Variants in KITLG observed in about 807,000 individuals in gnomAD.
KITLG encodes c-Kit ligand.
A neutral mutation model predicts 34.1 loss-of-function variants in KITLG; 13 were observed. The ratio of observed to expected loss-of-function variants is 0.38; its 90% CI spans 0.25 to 0.61. The LOEUF (loss-of-function observed/expected upper bound fraction) is 0.61. Among genes scored for constraint, KITLG ranks in the 20% least tolerant of loss-of-function variants. KITLG has a pLI of 0.60. For synonymous variants in KITLG, 110 were observed against 104.0 expected (o/e 1.06, Z -0.35); for missense variants, 292 against 318.9 (o/e 0.92, Z 0.64).
In KITLG at chr12:88,516,544, G is replaced by T. The variant is rs182948635; in HGVS notation, c.364-54C>A. On this transcript the variant is annotated intron_variant, in intron 4 of 9. Coordinates refer to ENST00000644744, the MANE Select transcript of KITLG (RefSeq NM_000899.5). ...CAAATAGTCTTCAGACTTAACTGAG[G>T]TGAAGATAATGGACTATAAATATGT... The T allele has an allele frequency of 6.3e-3, 7,531 of 1,204,802 alleles. 32 individuals are homozygous for T. The highest frequency in any genetic ancestry group is 7.7e-3 in the Non-Finnish European group (6,439 of 836,772). The allele number at this position is 1,204,802 out of a possible 1,614,324, so 74.6% of individuals were successfully genotyped here. A position where few individuals can be genotyped will look rare whatever the true frequency, so the allele number is the denominator to read the frequency against.
chr12:88,512,634 C>T (rs1032170266), intron 6 of KITLG, among the ~76,000 whole-genome samples: 2 of 151,606 alleles, frequency 1.3e-5, no homozygotes, highest in African/African-American at 4.8e-5. Flanking sequence ...TGAAAGAACG[C>T]AGAGGAAGAA....
chr12:88,555,910 A>G (rs1177417951), intron 1 of KITLG, among the ~76,000 whole-genome samples: 3 of 152,180 alleles, frequency 2.0e-5, no homozygotes, highest in Non-Finnish European at 4.4e-5. Flanking sequence ...TAGAGAACAC[A>G]GCACAGTGGT....
intron 9 of KITLG, among the ~76,000 whole-genome samples, chr12:88,504,921 G>C (rs1868997008): frequency 6.8e-6 from 1 of 148,004 alleles, no homozygotes; most frequent in Admixed American, 6.9e-5. Flanking sequence ...ATTGAACAAT[G>C]AGAACACTTG....
At position 88,493,607 on chromosome 12, in the gene KITLG, G is replaced by A. The variant is rs376894594; in HGVS notation, c.*3612C>T. ...TCTTATCCCACTTTCCAATTTTAAA[G>A]TGTAATTAATGAATTACCCCTTTAT... On this transcript the variant is annotated 3_prime_UTR_variant, in exon 10 of 10. Transcript: ENST00000644744. The A allele has an allele frequency of 2.4e-4, 36 of 151,842 alleles. No individual in the cohort carries two copies. Among genetic ancestry groups the A allele is most frequent in the African/African-American group, 7.7e-4 (32 of 41,388 alleles). The allele number at this position is 151,842 out of a possible 1,614,324, so 9.4% of individuals were successfully genotyped here. A position where few individuals can be genotyped will look rare whatever the true frequency, so the allele number is the denominator to read the frequency against.
At chr12:88,541,371 G>A (rs1227244886) in intron 2 of KITLG, among the ~76,000 whole-genome samples, 4 of 152,086 alleles carry the variant, frequency 2.6e-5, no homozygotes, top group African/African-American at 9.7e-5. Flanking sequence ...AGGAAGACAA[G>A]TCATTACCCA....
At chr12:88,567,350 A>G (rs1220614813) in intron 1 of KITLG, among the ~76,000 whole-genome samples, 2 of 152,230 alleles carry the variant, frequency 1.3e-5, no homozygotes, top group African/African-American at 2.4e-5. Flanking sequence ...TTGTATTACA[A>G]AAGAGTTATA....
intron 1 of KITLG, among the ~76,000 whole-genome samples, chr12:88,567,400 C>T (rs1421022316): frequency 6.6e-6 from 1 of 152,114 alleles, no homozygotes; most frequent in Admixed American, 6.5e-5. Flanking sequence ...GTGTTTTGAA[C>T]AAATCAGCAC....
intron 1 of KITLG, among the ~76,000 whole-genome samples, chr12:88,565,720 G>T (rs1477752516): frequency 6.6e-6 from 1 of 152,122 alleles, no homozygotes; most frequent in Admixed American, 6.5e-5. Context: ...AACAGATCAG[G>T]TTTGATGACT....
intron 6 of KITLG, among the ~76,000 whole-genome samples, chr12:88,510,112 C>A (rs1160434108): frequency 2.0e-5 from 3 of 152,162 alleles, no homozygotes; most frequent in Non-Finnish European, 4.4e-5. Context: ...TGGGAACTGA[C>A]TTGTTTCATT....
chr12:88,510,016 C>A (rs767373585), intron 6 of KITLG, among the ~76,000 whole-genome samples: 1 of 152,074 alleles, frequency 6.6e-6, no homozygotes, highest in African/African-American at 2.4e-5. Context: ...TCATCTGGGC[C>A]GGATTTGAGT....
intron 3 of KITLG, among the ~76,000 whole-genome samples, chr12:88,531,594 C>A (rs1870093633): frequency 6.6e-6 from 1 of 151,946 alleles, no homozygotes. Flanking sequence ...ATAGTAAACA[C>A]ATACACTTGT....
At chr12:88,580,217 C>CT in intron 1 of KITLG, 47 bp downstream of exon 1, 1 of 1,587,202 alleles carries the variant, frequency 6.3e-7, no homozygotes, top group Non-Finnish European at 8.6e-7. Context: ...GCACCGGGCG[C>CT]GATTTTTCCT....
At chr12:88,547,094 T>G (rs1184568772) in intron 1 of KITLG, among the ~76,000 whole-genome samples, 1 of 152,168 alleles carries the variant, frequency 6.6e-6, no homozygotes, top group Non-Finnish European at 1.5e-5. Context: ...TCTTAAAATA[T>G]GTGCACATTC....
intron 1 of KITLG, among the ~76,000 whole-genome samples, chr12:88,565,656 A>G (rs1871421002): frequency 6.6e-6 from 1 of 152,124 alleles, no homozygotes; most frequent in African/African-American, 2.4e-5. Flanking sequence ...CAAAATCTCT[A>G]GGTGAGAAAA....
rs944911084 is a variant in KITLG at position 88,493,655 on chromosome 12, T to C, written c.*3564A>G. On this transcript the variant is annotated 3_prime_UTR_variant, in exon 10 of 10. Transcript: ENST00000644744. ...TATAAATTGATTCTAAAATATCTTTTGGCATTCAAAACCTTCATGAGCATT... is the reference window on the plus strand; with the variant it reads ...TATAAATTGATTCTAAAATATCTTTCGGCATTCAAAACCTTCATGAGCATT... The C allele has an allele frequency of 1.3e-5, 2 of 151,986 alleles. No homozygotes were observed. The highest frequency in any genetic ancestry group is 2.9e-5 in the Non-Finnish European group (2 of 67,876). The allele number at this position is 151,986 out of a possible 1,614,324, so 9.4% of individuals were successfully genotyped here. A position where few individuals can be genotyped will look rare whatever the true frequency, so the allele number is the denominator to read the frequency against.
At chr12:88,544,179 T>C (rs913016626) in intron 2 of KITLG, among the ~76,000 whole-genome samples, 2 of 152,140 alleles carry the variant, frequency 1.3e-5, no homozygotes, top group African/African-American at 4.8e-5. Context: ...TAACAGTGTC[T>C]AACACTGTTT....
rs544512104 is a variant in KITLG, at chr12:88,572,823, A to G, written c.15+7441T>C. ...GGACCACCTGGAAGTAGAAAGCACC[A>G]GCCATTCTCCTATACTGTGATAATG... On this transcript the variant is annotated intron_variant, in intron 1 of 9. Transcript: ENST00000644744. Among the ~76,000 whole-genome samples the G allele has an allele frequency of 9.4e-4, 143 of 152,184 alleles. 1 individual carries two copies. Among genetic ancestry groups the G allele is most frequent in the African/African-American group, 3.4e-3 (140 of 41,540 alleles).
At chr12:88,508,119 G>A (rs924375915) in intron 6 of KITLG, among the ~76,000 whole-genome samples, 5 of 151,902 alleles carry the variant, frequency 3.3e-5, no homozygotes, top group East Asian at 1.9e-4. Context: ...CCCGGGAGGC[G>A]GAAGTCGTAA....
At chr12:88,511,452 G>A (rs1869274721) in intron 6 of KITLG, among the ~76,000 whole-genome samples, 1 of 152,072 alleles carries the variant, frequency 6.6e-6, no homozygotes, top group African/African-American at 2.4e-5. Context: ...TTCAAACAAG[G>A]ACCAATGGCC....
Sources: gnomAD v4.1 joint callset for allele counts (sites outside exome capture counted in the v4.1 genomes callset) on GRCh38, gnomAD v4.1.1 for gene constraint, MANE v1.5 for transcripts, NCBI Gene and HGNC (gene_info 2026-07-23, HGNC 2026-07-21) for gene names.